GTF2IRD1: variants seen among roughly 807,000 people sequenced by gnomAD.
GTF2IRD1 encodes the protein general transcription factor II-I repeat domain-containing protein 1.
Under a neutral mutation model 113.2 loss-of-function variants are expected in GTF2IRD1, and 26 were observed. The observed-to-expected ratio is 0.23, with a 90% CI of 0.17 to 0.32. GTF2IRD1 has a LOEUF of 0.32. Among genes scored for constraint, GTF2IRD1 ranks in the 10% least tolerant of loss-of-function variants. The pLI, the probability that GTF2IRD1 is intolerant of heterozygous loss-of-function variation, is 1.00. For synonymous variants in GTF2IRD1, 484 were observed against 529.1 expected, an observed-to-expected ratio of 0.91 and a Z score of 1.17; for missense variants, 864 against 1,280.8, an observed-to-expected ratio of 0.67 and a Z score of 4.97.
chr7:74,456,933 C>T (rs1353482267), intron 1 of GTF2IRD1, among the ~76,000 whole-genome samples: 4 of 152,092 alleles, frequency 2.6e-5, no homozygotes, highest in Non-Finnish European at 5.9e-5. Context: ...CTGAAGACTT[C>T]CTCGTCCTCA....
intron 1 of GTF2IRD1, among the ~76,000 whole-genome samples, chr7:74,497,685 C>T (rs1795809866): frequency 6.6e-6 from 1 of 152,016 alleles, no homozygotes; most frequent in East Asian, 1.9e-4. Context: ...TGTTTTTTTC[C>T]TGTGTGTGGT....
rs587735072 is a variant in GTF2IRD1 at position 74,533,133 on chromosome 7, A to T, written c.1275-1980A>T. On this transcript the variant is annotated intron_variant, in intron 9 of 26. Transcript: ENST00000424337. ...TTCCTGGCTAGAGGTTCCATGCATC[A>T]TTTTTTTTTTTTTTTTTTTCAGATG... 6.5e-3 allele frequency among the ~76,000 whole-genome samples: 728 copies of T among 112,246 alleles called. 1 individual carries two copies. The highest frequency in any genetic ancestry group is 9.5e-3 in the Non-Finnish European group (516 of 54,162). 73.6% of individuals were successfully genotyped at this position (112,246 alleles called of 152,430 possible).
At chr7:74,592,423 T>C (rs1554370040) in intron 24 of GTF2IRD1, among the ~76,000 whole-genome samples, 1 of 150,704 alleles carries the variant, frequency 6.6e-6, no homozygotes, top group African/African-American at 2.4e-5. Flanking sequence ...TTTTTTGTAT[T>C]GCACAGGCTA....
chr7:74,493,843 C>G (rs1313866102), intron 1 of GTF2IRD1, among the ~76,000 whole-genome samples: 1 of 152,062 alleles, frequency 6.6e-6, no homozygotes, highest in Non-Finnish European at 1.5e-5. Flanking sequence ...CTCAGCCTCC[C>G]AAGCAGCTGG....
intron 1 of GTF2IRD1, among the ~76,000 whole-genome samples, chr7:74,460,295 T>C (rs1793278083): frequency 6.9e-6 from 1 of 144,242 alleles, no homozygotes; most frequent in African/African-American, 2.6e-5. Flanking sequence ...TTTGAGACAG[T>C]GTCTCACTCT....
chr7:74,559,481 G>A, intron 21 of GTF2IRD1, 146 bp from the exon 22 acceptor site: 1 of 685,432 alleles, frequency 1.5e-6, no homozygotes, highest in South Asian at 1.7e-5. Flanking sequence ...CACACACAGA[G>A]CCCCAGGGCA....
Position 74,555,946 on chromosome 7 carries a change from A to G in GTF2IRD1, c.2023+452A>G, listed in dbSNP as rs1308704009. On this transcript the variant is annotated intron_variant, in intron 19 of 26. Transcript: ENST00000424337. The surrounding 1 kb of genome is among the most constrained non-coding windows in gnomAD (Gnocchi z 5.3). Reference sequence around the variant, plus strand: ...CAACATAGAACCCGTCTCTATGTCTATTTTTAAGAAAAGAAATCAGAGGCC... The same window carrying G: ...CAACATAGAACCCGTCTCTATGTCTGTTTTTAAGAAAAGAAATCAGAGGCC... Among the ~76,000 whole-genome samples, 7 of 152,030 alleles carry G rather than the reference A, an allele frequency of 4.6e-5. No individual in the cohort carries two copies. Among genetic ancestry groups the G allele is most frequent in the East Asian group, 1.9e-4 (1 of 5,162 alleles).
At position 74,493,494 on chromosome 7, in the gene GTF2IRD1, T is replaced by C. The variant is rs547593724; in HGVS notation, c.-6-14581T>C. ...GAATAATCCCCTACCTCAAGATCCTTAATCACATCTGCAAAGTGATTTTGC... is the reference window on the plus strand; with the variant it reads ...GAATAATCCCCTACCTCAAGATCCTCAATCACATCTGCAAAGTGATTTTGC... On this transcript the variant is annotated intron_variant, in intron 1 of 26. Transcript: ENST00000424337. 6.6e-5 allele frequency among the ~76,000 whole-genome samples: 10 copies of C among 152,250 alleles called. No homozygotes were observed. In the South Asian group the frequency reaches 2.1e-3, roughly 32 times the overall value.
intron 1 of GTF2IRD1, among the ~76,000 whole-genome samples, chr7:74,500,032 G>A (rs879978888): frequency 4.6e-5 from 7 of 152,214 alleles, no homozygotes; most frequent in Admixed American, 1.3e-4. Context: ...CTTGTGGAGA[G>A]TGAAAAAAGC....
At chr7:74,579,918 C>G (rs1801310517) in intron 22 of GTF2IRD1, among the ~76,000 whole-genome samples, 1 of 152,082 alleles carries the variant, frequency 6.6e-6, no homozygotes, top group South Asian at 2.1e-4. Context: ...CAAAATGGGT[C>G]AAGCCTTAAG....
chr7:74,596,666 CTGAT>C (rs1802435139), intron 25 of GTF2IRD1, among the ~76,000 whole-genome samples: 1 of 151,648 alleles, frequency 6.6e-6, no homozygotes, highest in South Asian at 2.1e-4. Flanking sequence ...AAAAGAAACA[CTGAT>C]TGGCCAGGTG....
intron 22 of GTF2IRD1, among the ~76,000 whole-genome samples, chr7:74,582,736 G>T (rs1208176923): frequency 6.6e-6 from 1 of 152,040 alleles, no homozygotes; most frequent in African/African-American, 2.4e-5. Flanking sequence ...CCTGGCCCTG[G>T]GGATCCCCCT....
At position 74,602,475 on chromosome 7, in the gene GTF2IRD1, GA is replaced by G; in HGVS notation, c.*45del. 2.0e-6 allele frequency: 3 copies of G among 1,537,686 alleles called. No individual in the cohort carries two copies. Among genetic ancestry groups the G allele is most frequent in the Non-Finnish European group, 1.8e-6 (2 of 1,114,966 alleles). The stretch of plus-strand genomic sequence containing the variant: ...AGGACCTCACTCAGAAAGACTAAAG[GA>G]AATGTAATTTATGTACAAAATGTAT... On this transcript the variant is annotated 3_prime_UTR_variant, in exon 27 of 27. Transcript: ENST00000424337.
intron 2 of GTF2IRD1, among the ~76,000 whole-genome samples, chr7:74,508,458 G>A (rs1350668658): frequency 1.3e-5 from 2 of 152,160 alleles, no homozygotes; most frequent in African/African-American, 2.4e-5. Context: ...TTGGGAGGCC[G>A]GGGTCGGTGG....
At chr7:74,568,378 G>A (rs587644953) in intron 22 of GTF2IRD1, among the ~76,000 whole-genome samples, 39 of 151,506 alleles carry the variant, frequency 2.6e-4, no homozygotes, top group Middle Eastern at 3.4e-3. Flanking sequence ...GCCGGGCGTG[G>A]TGGCTCACGC....
At chr7:74,581,331 G>C (rs1196906476) in intron 22 of GTF2IRD1, among the ~76,000 whole-genome samples, 2 of 152,190 alleles carry the variant, frequency 1.3e-5, no homozygotes, top group Non-Finnish European at 2.9e-5. Flanking sequence ...GCCCATTGCT[G>C]CTTTACAGAT....
intron 1 of GTF2IRD1, among the ~76,000 whole-genome samples, chr7:74,461,681 C>T (rs1793376497): frequency 1.3e-5 from 2 of 152,136 alleles, no homozygotes; most frequent in South Asian, 2.1e-4. Flanking sequence ...CGGGTTCAAG[C>T]AATTCTCTTG....
At chr7:74,515,397 G>T in intron 3 of GTF2IRD1, 44 bp from the exon 4 acceptor site, 1 of 1,551,690 alleles carries the variant, frequency 6.4e-7, no homozygotes, top group Non-Finnish European at 8.7e-7. Flanking sequence ...GCCGGGTGGT[G>T]AGACGGGTGC....
At chr7:74,580,283 G>A (rs1258696875) in intron 22 of GTF2IRD1, among the ~76,000 whole-genome samples, 1 of 152,148 alleles carries the variant, frequency 6.6e-6, no homozygotes, top group Non-Finnish European at 1.5e-5. Context: ...TTCAGGAGGG[G>A]AGAGAAGGAC....
Sources: allele counts gnomAD v4.1 joint callset (sites outside exome capture counted in the v4.1 genomes callset), GRCh38; gene constraint gnomAD v4.1.1; non-coding constraint Gnocchi (gnomAD v3.1); transcripts MANE v1.5; gene names NCBI Gene and HGNC (gene_info 2026-07-23, HGNC 2026-07-21).